IL1RAPL1: variants seen among roughly 807,000 people sequenced by gnomAD.
IL1RAPL1 encodes interleukin-1 receptor accessory protein-like 1.
A neutral mutation model predicts 48.4 loss-of-function variants in IL1RAPL1; 3 were observed. That is an observed-to-expected ratio of 0.06 (90% CI 0.03 to 0.16). The LOEUF (loss-of-function observed/expected upper bound fraction) is 0.16. Among genes scored for constraint, IL1RAPL1 ranks in the 10% least tolerant of loss-of-function variants. IL1RAPL1 has a pLI of 1.00. For synonymous variants in IL1RAPL1, 185 were observed against 187.7 expected (o/e 0.99, Z 0.12); for missense variants, 349 against 530.6 (o/e 0.66, Z 3.36).
intron 1 of IL1RAPL1, among the ~76,000 whole-genome samples, chrX:28,622,480 G>A (rs1448136818): frequency 9.0e-6 from 1 of 111,437 alleles, no homozygotes; most frequent in East Asian, 2.8e-4. Context: ...TCCAACAACA[G>A]CAATATATAT....
intron 2 of IL1RAPL1, among the ~76,000 whole-genome samples, chrX:29,240,577 A>T (rs1931406120): frequency 1.8e-5 from 2 of 110,690 alleles, no homozygotes; most frequent in South Asian, 3.8e-4. Flanking sequence ...GGAAGCAAGC[A>T]TCACTATTTT....
At position 28,889,888 on chromosome X, in the gene IL1RAPL1, C is replaced by T. The variant is rs777272106; in HGVS notation, c.82+100463C>T. ...GGCATCTATTATGCTACTTTCCCAC[C>T]GTTATAAATCCTCTATATTTTCTTA... is the stretch of plus-strand genomic sequence containing the variant. On this transcript the variant is annotated intron_variant, in intron 2 of 10. Transcript: ENST00000378993. 6.3e-5 allele frequency among the ~76,000 whole-genome samples: 7 copies of T among 110,969 alleles called. No homozygotes were observed. In the East Asian group the frequency reaches 2.0e-3, roughly 31 times the overall value.
chrX:28,940,663 T>C (rs1286437156), intron 2 of IL1RAPL1, among the ~76,000 whole-genome samples: 2 of 111,022 alleles, frequency 1.8e-5, no homozygotes, highest in East Asian at 2.8e-4. Context: ...GATTATATTT[T>C]GACTTACTTG....
chrX:29,133,979 A>G (rs1347670600), intron 2 of IL1RAPL1, among the ~76,000 whole-genome samples: 5 of 111,728 alleles, frequency 4.5e-5, no homozygotes, highest in Non-Finnish European at 9.4e-5. Context: ...ACTTAGTGAT[A>G]TGCATTTCAA....
intron 2 of IL1RAPL1, among the ~76,000 whole-genome samples, chrX:28,976,867 G>A (rs951824327): frequency 8.9e-6 from 1 of 112,207 alleles, no homozygotes; most frequent in African/African-American, 3.2e-5. Flanking sequence ...TAAAGTGCCA[G>A]ATAGTAAATA....
chrX:28,727,442 A>G (rs1416445281), intron 1 of IL1RAPL1, among the ~76,000 whole-genome samples: 3 of 103,722 alleles, frequency 2.9e-5, no homozygotes, highest in Non-Finnish European at 3.9e-5. Flanking sequence ...GGGCTGAGAC[A>G]ATGGGGTTTT....
chrX:29,611,461 G>A (rs1485036110), intron 5 of IL1RAPL1, among the ~76,000 whole-genome samples: 1 of 111,686 alleles, frequency 9.0e-6, no homozygotes, highest in African/African-American at 3.3e-5. Flanking sequence ...CCAAACCAAT[G>A]TATTTCTTAA....
intron 5 of IL1RAPL1, among the ~76,000 whole-genome samples, chrX:29,564,336 C>A (rs1922331871): frequency 8.9e-6 from 1 of 112,285 alleles, no homozygotes; most frequent in Admixed American, 9.4e-5. Flanking sequence ...ATATGCACTG[C>A]TGTCAAAAAG....
At chrX:29,144,105 G>T (rs1011960746) in intron 2 of IL1RAPL1, among the ~76,000 whole-genome samples, 1 of 111,318 alleles carries the variant, frequency 9.0e-6, no homozygotes, top group Non-Finnish European at 1.9e-5. Flanking sequence ...AGTTAATGGC[G>T]ATATCAAGTG....
intron 5 of IL1RAPL1, among the ~76,000 whole-genome samples, chrX:29,616,217 C>T (rs1345571548): frequency 5.4e-5 from 6 of 111,303 alleles, no homozygotes; most frequent in Non-Finnish European, 7.5e-5. Context: ...ATGTTAGTGG[C>T]ATAATGTAGT....
chrX:29,765,270 A>C (rs5928332), intron 6 of IL1RAPL1, among the ~76,000 whole-genome samples: 24,946 of 99,664 alleles, frequency 0.25, 2,676 homozygotes, highest in South Asian at 0.38. Flanking sequence ...TTTTTAAATC[A>C]ATGGCTTGTT....
At position 28,833,972 on chromosome X, in the gene IL1RAPL1, T is replaced by C. The variant is rs189100232; in HGVS notation, c.82+44547T>C. On this transcript the variant is annotated intron_variant, in intron 2 of 10. Transcript: ENST00000378993. ...TTAATGTTTTCTGAAAAGTACAGCA[T>C]GTATTTAATGCAATAACCACTTTCA... Among the ~76,000 whole-genome samples, 16 of 112,457 alleles carry C rather than the reference T, an allele frequency of 1.4e-4. No individual in the cohort carries two copies. In the East Asian group the frequency reaches 4.5e-3, roughly 31 times the overall value.
At chrX:29,885,392 C>T (rs764009414) in intron 6 of IL1RAPL1, among the ~76,000 whole-genome samples, 1 of 112,019 alleles carries the variant, frequency 8.9e-6, no homozygotes, top group South Asian at 3.7e-4. Flanking sequence ...TATCATTTGC[C>T]CACCACATTA....
chrX:28,894,445 G>C (rs1199275850), intron 2 of IL1RAPL1, among the ~76,000 whole-genome samples: 3 of 111,391 alleles, frequency 2.7e-5, no homozygotes, highest in African/African-American at 9.8e-5. Flanking sequence ...AGGTGTATCA[G>C]AGAGATACAG....
chrX:28,789,286 T>A (rs777437600), intron 1 of IL1RAPL1, 34 bp from the exon 2 acceptor site: 1 of 827,460 alleles, frequency 1.2e-6, no homozygotes, highest in Admixed American at 2.3e-5. Flanking sequence ...TTTTAAAACA[T>A]GTATGTTTTT....
In IL1RAPL1 at chrX:29,646,450, G is replaced by A. The variant is rs188346911; in HGVS notation, c.704-21980G>A. On this transcript the variant is annotated intron_variant, in intron 5 of 10. Transcript: ENST00000378993. ...AAATGGAATGAAGAAAGCTTACTTT[G>A]GGGATAGTATCAAAAAGAAAAAGCA... Among the ~76,000 whole-genome samples, 210 of 111,528 alleles carry A rather than the reference G, an allele frequency of 1.9e-3. 1 individual carries two copies. Among genetic ancestry groups the A allele is most frequent in the African/African-American group, 6.7e-3 (206 of 30,755 alleles).
intron 2 of IL1RAPL1, among the ~76,000 whole-genome samples, chrX:29,230,504 C>CAAATAAAAAAAA (rs1931170482): frequency 2.4e-4 from 4 of 16,589 alleles, no homozygotes; most frequent in Admixed American, 2.3e-3. Context: ...GTCCCTTTAC[C>CAAATAAAAAAAA]AAAAAAAAAA....
chrX:28,965,254 G>A (rs1924890957), intron 2 of IL1RAPL1, among the ~76,000 whole-genome samples: 1 of 111,375 alleles, frequency 9.0e-6, no homozygotes, highest in African/African-American at 3.3e-5. Flanking sequence ...ATGTGCATAT[G>A]AGTAAGTTTA....
At chrX:28,691,533 A>C (rs1328080585) in intron 1 of IL1RAPL1, among the ~76,000 whole-genome samples, 1 of 111,943 alleles carries the variant, frequency 8.9e-6, no homozygotes, top group Non-Finnish European at 1.9e-5. Flanking sequence ...AATTGTCTTT[A>C]AACTCTTTGA....
Sources: gnomAD v4.1 joint callset for allele counts (sites outside exome capture counted in the v4.1 genomes callset) on GRCh38, gnomAD v4.1.1 for gene constraint, MANE v1.5 for transcripts, NCBI Gene and HGNC (gene_info 2026-07-23, HGNC 2026-07-21) for gene names.